Variants in PTDSS2 observed in about 807,000 individuals in gnomAD.
PTDSS2 encodes phosphatidylserine synthase 2, also known as PSS-2.
A neutral mutation model predicts 64.7 loss-of-function variants in PTDSS2; 41 were observed. The ratio of observed to expected loss-of-function variants is 0.63; its 90% CI spans 0.49 to 0.82. PTDSS2 has a LOEUF of 0.82. Among genes scored for constraint, PTDSS2 ranks in the 40% least tolerant of loss-of-function variants. The pLI, the probability that PTDSS2 is intolerant of heterozygous loss-of-function variation, is 0.00. For synonymous variants in PTDSS2, 297 were observed against 277.8 expected, an observed-to-expected ratio of 1.07 and a Z score of -0.69; for missense variants, 485 against 650.0, an observed-to-expected ratio of 0.75 and a Z score of 2.76.
chr11:453,643 A>T (rs1846451975), intron 1 of PTDSS2, among the ~76,000 whole-genome samples: 1 of 152,214 alleles, frequency 6.6e-6, no homozygotes, highest in Non-Finnish European at 1.5e-5. Flanking sequence ...GAGTAGCCAG[A>T]TGAAGTCTTT....
rs908013845 is a variant in PTDSS2, at chr11:491,060, G to A, written c.*478G>A. 1 of 165,130 alleles carries A rather than the reference G, an allele frequency of 6.1e-6. No homozygotes were observed. Among genetic ancestry groups the A allele is most frequent in the African/African-American group, 2.4e-5 (1 of 41,602 alleles). 10.2% of individuals were successfully genotyped at this position (165,130 alleles called of 1,614,324 possible). ...TCGGTACCCTTTCTGCACTCCGTGG[G>A]CCCTGGGTGCGCTGAGGCCTGGAGG... is the stretch of plus-strand genomic sequence containing the variant. On this transcript the variant is annotated 3_prime_UTR_variant, in exon 12 of 12. Transcript: ENST00000308020.
rs1001180003 is a variant in PTDSS2 at position 478,427 on chromosome 11, G to C, written c.368-658G>C. The stretch of plus-strand genomic sequence containing the variant: ...TGCAACAAGATTGCACTCCAGCCTG[G>C]GCAACAGAGCCAGGACCTTGTCTCA... On this transcript the variant is annotated intron_variant, in intron 3 of 11. Coordinates refer to ENST00000308020, the MANE Select transcript of PTDSS2 (RefSeq NM_030783.3). Among the ~76,000 whole-genome samples the C allele has an allele frequency of 7.2e-5, 11 of 152,066 alleles. No homozygotes were observed. In the East Asian group the frequency reaches 2.1e-3, roughly 29 times the overall value.
chr11:464,543 G>A (rs1020663242), intron 2 of PTDSS2, among the ~76,000 whole-genome samples: 4 of 152,212 alleles, frequency 2.6e-5, no homozygotes, highest in African/African-American at 9.7e-5. Flanking sequence ...TGAGAGCAGG[G>A]TCTGTGCTGC....
intron 10 of PTDSS2, 34 bp from the exon 11 acceptor site, chr11:489,849 G>A (rs994295854): frequency 1.3e-6 from 2 of 1,551,966 alleles, no homozygotes; most frequent in East Asian, 2.4e-5. Flanking sequence ...ACCCTGCGGG[G>A]CCCGGGACGC....
In PTDSS2 at chr11:490,073, G is replaced by C; in HGVS notation, c.1301+5G>C. 6.2e-7 allele frequency: 1 copy of C among 1,603,146 alleles called. No homozygotes were observed. The highest frequency in any genetic ancestry group is 8.5e-7 in the Non-Finnish European group (1 of 1,177,824). On this transcript the variant is annotated splice_donor_5th_base_variant and intron_variant, in intron 11 of 11. Coordinates refer to ENST00000308020, the MANE Select transcript of PTDSS2 (RefSeq NM_030783.3). ...CGTCTGGCGCTTCTTCCTGCGGTGA[G>C]TCAGGGCAGGGCGCGTATGTTCTGA...
At chr11:478,169 A>G (rs1303570693) in intron 3 of PTDSS2, among the ~76,000 whole-genome samples, 1 of 152,244 alleles carries the variant, frequency 6.6e-6, no homozygotes, top group East Asian at 1.9e-4. Context: ...CCTTAAATGC[A>G]GAAAAACAAA....
At chr11:464,451 C>T (rs375299930) in intron 2 of PTDSS2, among the ~76,000 whole-genome samples, 65 of 152,078 alleles carry the variant, frequency 4.3e-4, no homozygotes, top group African/African-American at 1.5e-3. Flanking sequence ...TGCCTCACCC[C>T]GGCTCGGGCA....
Position 462,779 on chromosome 11 carries a change from T to G in PTDSS2, c.284+2491T>G, listed in dbSNP as rs1846952319. On this transcript the variant is annotated intron_variant, in intron 2 of 11. Coordinates refer to ENST00000308020, the MANE Select transcript of PTDSS2 (RefSeq NM_030783.3). The surrounding 1 kb of genome is among the most constrained non-coding windows in gnomAD (Gnocchi z 4.5). Reference sequence around the variant, plus strand: ...GCACACAGGGTGCCCACACACAGGGTGTCCCCACACAGGGTGTCCAGAAGG... The same window carrying G: ...GCACACAGGGTGCCCACACACAGGGGGTCCCCACACAGGGTGTCCAGAAGG... Among the ~76,000 whole-genome samples, 1 of 152,114 alleles carries G rather than the reference T, an allele frequency of 6.6e-6. No homozygotes were observed. The highest frequency in any genetic ancestry group is 2.1e-4 in the South Asian group (1 of 4,832).
intron 3 of PTDSS2, among the ~76,000 whole-genome samples, chr11:475,247 G>GATACGGCCATATTCACGCGTTTGTGA (rs796114097): frequency 4.7e-5 from 3 of 63,208 alleles, no homozygotes; most frequent in Admixed American, 1.8e-4. Flanking sequence ...GTGTTTGTGT[G>GATACGGCCATATTCACGCGTTTGTGA]TACGGACATA....
chr11:452,866 G>A (rs946835256), intron 1 of PTDSS2, among the ~76,000 whole-genome samples: 1 of 152,188 alleles, frequency 6.6e-6, no homozygotes, highest in African/African-American at 2.4e-5. Context: ...GTGTTTTAGA[G>A]AGTTTTACTT....
Position 450,783 on chromosome 11 carries a change from GC to G in PTDSS2, c.182+152del, listed in dbSNP as rs143829427. 2,144 of 735,296 alleles carry G rather than the reference GC, an allele frequency of 2.9e-3. 34 individuals carry two copies. In the African/African-American group the frequency reaches 0.036, roughly 12 times the overall value. The allele number at this position is 735,296 out of a possible 1,614,324, so 45.5% of individuals were successfully genotyped here. On this transcript the variant is annotated intron_variant, in intron 1 of 11. Coordinates refer to ENST00000308020, the MANE Select transcript of PTDSS2 (RefSeq NM_030783.3). ...GGGGGTTTGAGGGTGTGGCAGCACC[GC>G]CCCCCGGGTCCCGGGGAGCGGCCGG...
At chr11:454,067 C>T (rs559698140) in intron 1 of PTDSS2, among the ~76,000 whole-genome samples, 61 of 152,282 alleles carry the variant, frequency 4.0e-4, no homozygotes, top group African/African-American at 1.0e-3. Flanking sequence ...CTATCTTGAG[C>T]GGCACTCTGT....
At chr11:473,748 G>T in intron 2 of PTDSS2, 147 bp from the exon 3 acceptor site, 1 of 675,588 alleles carries the variant, frequency 1.5e-6, no homozygotes. Context: ...CCGCGGCGGA[G>T]TCGCCCAGCT....
rs1248499612 is a variant in PTDSS2 at position 470,817 on chromosome 11, T to G, written c.285-3078T>G. 6.6e-6 allele frequency among the ~76,000 whole-genome samples: 1 copy of G among 152,008 alleles called. No individual in the cohort carries two copies. Among genetic ancestry groups the G allele is most frequent in the Non-Finnish European group, 1.5e-5 (1 of 68,006 alleles). ...GTTGGTCAGGCTGGTCTCGAACTCC[T>G]GACCTTGTGATCCGCCTGCCTCAGC... On this transcript the variant is annotated intron_variant, in intron 2 of 11. Coordinates refer to ENST00000308020, the MANE Select transcript of PTDSS2 (RefSeq NM_030783.3). The surrounding 1 kb of genome is among the most constrained non-coding windows in gnomAD (Gnocchi z 5.3).
intron 1 of PTDSS2, among the ~76,000 whole-genome samples, chr11:455,302 C>A (rs917458055): frequency 6.6e-6 from 1 of 152,208 alleles, no homozygotes; most frequent in Non-Finnish European, 1.5e-5. Context: ...AGAGTGAGAA[C>A]CCCTCACGTG....
intron 2 of PTDSS2, among the ~76,000 whole-genome samples, chr11:471,757 G>C (rs1259974054): frequency 6.8e-6 from 1 of 147,560 alleles, no homozygotes. Context: ...GGTGGCCTGG[G>C]GTGACGCGGA....
At chr11:474,034 A>G in intron 3 of PTDSS2, 57 bp downstream of exon 3, 1 of 1,384,846 alleles carries the variant, frequency 7.2e-7, no homozygotes, top group Non-Finnish European at 1.0e-6. Context: ...CTGAGCGGCC[A>G]CTCTGTGTCT....
At chr11:473,871 G>T in intron 2 of PTDSS2, 24 bp from the exon 3 acceptor site, 2 of 1,574,772 alleles carry the variant, frequency 1.3e-6, no homozygotes, top group Non-Finnish European at 1.7e-6. Flanking sequence ...ACACACTGAG[G>T]GGCTGTTTGT....
intron 6 of PTDSS2, 41 bp from the exon 7 acceptor site, chr11:488,158 T>C (rs760634154): frequency 6.8e-7 from 1 of 1,461,126 alleles, no homozygotes; most frequent in Admixed American, 1.7e-5. Flanking sequence ...GGGCCGGGTG[T>C]GGCCGGCGTC....
Sources: gnomAD v4.1 joint callset for allele counts (sites outside exome capture counted in the v4.1 genomes callset) on GRCh38, gnomAD v4.1.1 for gene constraint, Gnocchi (gnomAD v3.1) non-coding constraint, MANE v1.5 for transcripts, NCBI Gene and HGNC (gene_info 2026-07-23, HGNC 2026-07-21) for gene names.